Variants in OTOA observed in about 807,000 individuals in gnomAD.
OTOA encodes the protein otoancorin, also known as cancer/testis antigen 108.
In OTOA, 70 loss-of-function variants were observed where a neutral mutation model predicts 110.8. That is an observed-to-expected ratio of 0.63 (90% CI 0.52 to 0.77). The LOEUF is 0.77. Ranked by LOEUF, OTOA falls within the 30% of genes least tolerant of loss-of-function variation. The pLI is 0.00. For synonymous variants in OTOA, 373 were observed against 431.5 expected, an observed-to-expected ratio of 0.86 and a Z score of 1.68; for missense variants, 917 against 1,075.8, an observed-to-expected ratio of 0.85 and a Z score of 2.06.
chr16:21,754,078 A>AT (rs764794590), intron 27 of OTOA, among the ~76,000 whole-genome samples: 1,778 of 137,418 alleles, frequency 0.013, 162 homozygotes, highest in East Asian at 0.12. Context: ...ATATATATAT[A>AT]TTTTTTTCTA....
chr16:21,697,456 A>T (rs532761406), intron 9 of OTOA, among the ~76,000 whole-genome samples: 2 of 152,206 alleles, frequency 1.3e-5, no homozygotes, highest in East Asian at 3.9e-4. Flanking sequence ...AACATGGTGA[A>T]ACTCTGTCTC....
chr16:21,728,310 A>G lies in OTOA; in HGVS notation c.2086A>G (p.Ile696Val). 6.2e-7 allele frequency: 1 copy of G among 1,614,172 alleles called. No individual in the cohort carries two copies. The highest frequency in any genetic ancestry group is 8.5e-7 in the Non-Finnish European group (1 of 1,180,030). ...GNLLCHLPAA[I>V]IDRGISPRAW... ...CCTGCTGTGTCACTTGCCGGCAGCC[A>G]TCATCGACAGGGGGATCTCCCCCAG... The change falls in exon 20 of 29, where the codon ATC becomes GTC. Residue 696 changes from isoleucine (I) to valine (V), a missense_variant. By Grantham distance (29) the Ile-to-Val change is conservative. This residue lies in a region of OTOA where 840 missense variants were observed against 910.2 expected (regional missense o/e 0.92). Coordinates refer to ENST00000646100, the MANE Select transcript of OTOA (RefSeq NM_144672.4).
At chr16:21,672,527 G>A (rs1485837878) in intron 1 of OTOA, among the ~76,000 whole-genome samples, 2 of 151,314 alleles carry the variant, frequency 1.3e-5, no homozygotes, top group African/African-American at 4.9e-5. Context: ...GGAGGCTGAG[G>A]CAGGAGAATC....
At chr16:21,729,263 C>T (rs1268397657) in intron 20 of OTOA, among the ~76,000 whole-genome samples, 1 of 152,064 alleles carries the variant, frequency 6.6e-6, no homozygotes, top group East Asian at 1.9e-4. Flanking sequence ...TCTTGAACTC[C>T]TGGGCTCAAG....
chr16:21,758,144 T>C (rs1007749449), intron 28 of OTOA, among the ~76,000 whole-genome samples: 5 of 151,904 alleles, frequency 3.3e-5, no homozygotes, highest in African/African-American at 1.2e-4. Flanking sequence ...AACATGGCCT[T>C]CTTTCCTTTT....
At chr16:21,677,438 G>A (rs1026366815) in intron 1 of OTOA, among the ~76,000 whole-genome samples, 7 of 150,208 alleles carry the variant, frequency 4.7e-5, no homozygotes, top group Non-Finnish European at 8.9e-5. Flanking sequence ...TGTGCTTATT[G>A]GCCATTTTTA....
chr16:21,719,799 G>A lies in OTOA; in HGVS notation c.1806+295G>A, dbSNP rs12920623. 0.11 allele frequency among the ~76,000 whole-genome samples: 16,002 copies of A among 152,166 alleles called. 1,042 individuals carry two copies. Among genetic ancestry groups the A allele is most frequent in the South Asian group, 0.16 (785 of 4,828 alleles). On this transcript the variant is annotated intron_variant, in intron 17 of 28. Transcript: ENST00000646100. ...TTCATAATTATGTTCCCGTGGGATG[G>A]AAGGTACTCCTTCAGCTAATATTCC...
rs533254517 is a variant in OTOA at position 21,698,939 on chromosome 16, A to T, written c.840+1064A>T. ...GTCAAGAATAACACTGCTAAAAGGG[A>T]ATTTTATTTTATTTTATTTGTTTAT... On this transcript the variant is annotated intron_variant, in intron 10 of 28. Coordinates refer to ENST00000646100, the MANE Select transcript of OTOA (RefSeq NM_144672.4). Among the ~76,000 whole-genome samples, 7 of 151,986 alleles carry T rather than the reference A, an allele frequency of 4.6e-5. No homozygotes were observed. In the South Asian group the frequency reaches 1.5e-3, roughly 32 times the overall value.
In OTOA at chr16:21,682,534, T is replaced by G. The variant is rs1371631892; in HGVS notation, c.267+709T>G. ...TGTAATGAAAACAATAGCACAAGCGTGTTGATAGGTGGCAAAGGATATTTG... is the reference window on the plus strand; with the variant it reads ...TGTAATGAAAACAATAGCACAAGCGGGTTGATAGGTGGCAAAGGATATTTG... On this transcript the variant is annotated intron_variant, in intron 6 of 28. Coordinates refer to ENST00000646100, the MANE Select transcript of OTOA (RefSeq NM_144672.4). Among the ~76,000 whole-genome samples the G allele has an allele frequency of 2.6e-5, 4 of 152,120 alleles. 1 individual carries two copies. Among genetic ancestry groups the G allele is most frequent in the Non-Finnish European group, 5.9e-5 (4 of 68,016 alleles).
chr16:21,670,884 A>G (rs1966848145), intron 1 of OTOA, among the ~76,000 whole-genome samples: 1 of 152,144 alleles, frequency 6.6e-6, no homozygotes, highest in African/African-American at 2.4e-5. Flanking sequence ...AAGGGGAAGA[A>G]TCCTCTGGGC....
At chr16:21,665,032 G>GT (rs542509585) in intron 1 of OTOA, among the ~76,000 whole-genome samples, 6 of 151,566 alleles carry the variant, frequency 4.0e-5, no homozygotes, top group Non-Finnish European at 7.4e-5. Context: ...AAAGTTGATA[G>GT]TTTTTTGCCA....
In OTOA at chr16:21,715,159, G is replaced by A; in HGVS notation, c.1488+7G>A. The stretch of plus-strand genomic sequence containing the variant: ...GCAAGGTATCCTCAGCAAGGTGAGA[G>A]GAAGATGTCTGGTGCTCAGCCACAT... On this transcript the variant is annotated splice_region_variant and intron_variant, in intron 14 of 28. Transcript: ENST00000646100. 2.5e-6 allele frequency: 4 copies of A among 1,614,106 alleles called. No individual in the cohort carries two copies. Among genetic ancestry groups the A allele is most frequent in the Non-Finnish European group, 3.4e-6 (4 of 1,179,972 alleles).
chr16:21,714,867 A>G, intron 13 of OTOA, 118 bp from the exon 14 acceptor site: 2 of 1,341,688 alleles, frequency 1.5e-6, no homozygotes, highest in East Asian at 2.3e-5. Flanking sequence ...TGTCTGGCTC[A>G]CTGCTGTGCC....
Position 21,697,487 on chromosome 16 carries a change from G to A in OTOA, c.740-288G>A, listed in dbSNP as rs139327432. ...GTCTCTACTAAAAATACAAAAATTAGCTGGGCATGGTGGTGGGTGCCTGTA... is the reference window on the plus strand; with the variant it reads ...GTCTCTACTAAAAATACAAAAATTAACTGGGCATGGTGGTGGGTGCCTGTA... On this transcript the variant is annotated intron_variant, in intron 9 of 28. Coordinates refer to ENST00000646100, the MANE Select transcript of OTOA (RefSeq NM_144672.4). 0.017 allele frequency among the ~76,000 whole-genome samples: 2,547 copies of A among 152,120 alleles called. 67 individuals carry two copies. The highest frequency in any genetic ancestry group is 0.058 in the African/African-American group (2,419 of 41,486).
intron 17 of OTOA, 33 bp from the exon 18 acceptor site, chr16:21,722,872 G>A: frequency 6.3e-7 from 1 of 1,586,292 alleles, no homozygotes; most frequent in Non-Finnish European, 8.7e-7. Context: ...TCTTCTTACT[G>A]CATTAAATCC....
intron 17 of OTOA, among the ~76,000 whole-genome samples, chr16:21,721,096 G>T (rs891840271): frequency 2.6e-5 from 4 of 151,394 alleles, no homozygotes; most frequent in African/African-American, 9.7e-5. Context: ...TGTATTTTTA[G>T]TAGGGACGGG....
intron 21 of OTOA, among the ~76,000 whole-genome samples, chr16:21,734,830 C>T (rs192950053): frequency 1.8e-3 from 268 of 150,588 alleles, no homozygotes; most frequent in African/African-American, 6.2e-3. Flanking sequence ...AGCGAGACTC[C>T]GTCTAAACAA....
In OTOA at chr16:21,684,294, A is replaced by G. The variant is rs554454611; in HGVS notation, c.268-936A>G. On this transcript the variant is annotated intron_variant, in intron 6 of 28. Transcript: ENST00000646100. ...TGGGTCTAGAGTTCACCTTTTGCCC[A>G]TGACATCACACTGGGCATGTCTGTT... is the stretch of plus-strand genomic sequence containing the variant. 4.2e-4 allele frequency: 535 copies of G among 1,268,168 alleles called. 9 individuals are homozygous for G. The South Asian group carries it at 0.012, about 28-fold the overall frequency. The allele number at this position is 1,268,168 out of a possible 1,614,324, so 78.6% of individuals were successfully genotyped here.
chr16:21,699,350 A>ACAGT (rs1317495593), intron 10 of OTOA, among the ~76,000 whole-genome samples: 2 of 152,176 alleles, frequency 1.3e-5, no homozygotes, highest in Non-Finnish European at 2.9e-5. Context: ...CAAAATATAG[A>ACAGT]ATGTGCCGGC....
Sources: allele counts gnomAD v4.1 joint callset (sites outside exome capture counted in the v4.1 genomes callset), GRCh38; gene constraint gnomAD v4.1.1; regional missense constraint gnomAD v4.1.1; transcripts MANE v1.5; gene names NCBI Gene and HGNC (gene_info 2026-07-23, HGNC 2026-07-21).